Variants in CRY1 observed in about 807,000 individuals in gnomAD.
CRY1 encodes cryptochrome circadian regulator 1.
CRY1 carries 45 observed loss-of-function variants against 76.0 expected under a neutral mutation model. That is an observed-to-expected ratio of 0.59 (90% CI 0.47 to 0.76). CRY1 has a LOEUF of 0.76. Among genes scored for constraint, CRY1 ranks in the 30% least tolerant of loss-of-function variants. CRY1 has a pLI of 0.00. For missense variants in CRY1, 587 were observed against 716.4 expected, an observed-to-expected ratio of 0.82 and a Z score of 2.06; for synonymous variants, 248 against 244.0, an observed-to-expected ratio of 1.02 and a Z score of -0.15.
At chr12:107,016,412 A>G (rs1468480227) in intron 2 of CRY1, among the ~76,000 whole-genome samples, 1 of 152,264 alleles carries the variant, frequency 6.6e-6, no homozygotes, top group African/African-American at 2.4e-5. Flanking sequence ...TGTGAAAATA[A>G]GCAATGTAAA....
chr12:107,085,357 G>A (rs1953385017), intron 1 of CRY1, among the ~76,000 whole-genome samples: 1 of 152,110 alleles, frequency 6.6e-6, no homozygotes, highest in South Asian at 2.1e-4. Context: ...TAATGACACA[G>A]GCACATGTAT....
chr12:107,024,213 A>C (rs1292072161), intron 1 of CRY1, among the ~76,000 whole-genome samples: 2 of 152,236 alleles, frequency 1.3e-5, no homozygotes, highest in Non-Finnish European at 2.9e-5. Context: ...TGAGAACAGC[A>C]AGAGTTCTCC....
At chr12:107,090,285 G>T (rs550898571) in intron 1 of CRY1, among the ~76,000 whole-genome samples, 1 of 152,052 alleles carries the variant, frequency 6.6e-6, no homozygotes, top group East Asian at 1.9e-4. Flanking sequence ...TAGAGACGGG[G>T]TTTTGCCATA....
intron 1 of CRY1, among the ~76,000 whole-genome samples, chr12:107,041,009 C>A (rs1170995489): frequency 6.6e-6 from 1 of 152,110 alleles, no homozygotes; most frequent in African/African-American, 2.4e-5. Flanking sequence ...CTCAACCTCC[C>A]AAGTGCTGTG....
chr12:107,000,177 T>A (rs978829532), intron 5 of CRY1, 95 bp from the exon 6 acceptor site: 44 of 1,245,266 alleles, frequency 3.5e-5, no homozygotes, highest in Non-Finnish European at 4.6e-5. Flanking sequence ...AGTTACATAG[T>A]TCTTGGGGAA....
At chr12:107,020,496 C>T (rs936166372) in intron 2 of CRY1, among the ~76,000 whole-genome samples, 41 of 151,170 alleles carry the variant, frequency 2.7e-4, no homozygotes, top group African/African-American at 7.5e-4. Context: ...CCTTGGTGCT[C>T]TGATAGTGAG....
At chr12:107,003,866 G>A (rs181638503) in intron 3 of CRY1, among the ~76,000 whole-genome samples, 189 of 150,038 alleles carry the variant, frequency 1.3e-3, no homozygotes, top group Middle Eastern at 6.9e-3. Context: ...GAATGCAGTG[G>A]TGCTATCTTG....
chr12:106,999,860 T>C lies in CRY1; in HGVS notation c.828A>G (p.Val276=), dbSNP rs1443765098. The C allele has an allele frequency of 2.5e-6, 4 of 1,603,194 alleles. No individual in the cohort carries two copies. The South Asian group carries it at 3.4e-5, about 14-fold the overall frequency. The change falls in exon 7 of 13, where the codon GTA becomes GTG. Residue 276 remains valine, a splice_region_variant and synonymous_variant. Transcript: ENST00000008527. ...YFKLTDLYKK[V]KKNSSPPLSL... ...AAAGGGGAGGGGAACTGTTCTTCTT[T>C]ACCTATGGTTAAAAAGCAAAGAAGT...
chr12:107,048,860 T>C (rs531462786), intron 1 of CRY1, among the ~76,000 whole-genome samples: 75 of 152,340 alleles, frequency 4.9e-4, no homozygotes, highest in African/African-American at 1.5e-3. Flanking sequence ...ATAAGTCTAA[T>C]GTGGATTTCC....
rs1363961320 is a variant in CRY1 at position 107,005,205 on chromosome 12, G to A, written c.311C>T (p.Pro104Leu). 2 of 1,613,324 alleles carry A rather than the reference G, an allele frequency of 1.2e-6. No individual in the cohort carries two copies. Among genetic ancestry groups the A allele is most frequent in the African/African-American group, 2.7e-5 (2 of 74,834 alleles). Residue 104 changes from proline (P) to leucine (L), a missense_variant, in exon 3 of 13, where the codon CCC (proline) becomes CTC (leucine). Pro to Leu is a moderately conservative substitution (Grantham distance 98). Coordinates refer to ENST00000008527, the MANE Select transcript of CRY1 (RefSeq NM_004075.5). Reference sequence around the variant, plus strand: ...AGCTGCGTCTCGTTCCTTTCCAAAGGGCTCAGAATCATACTCAATTGAAAG... The same window carrying A: ...AGCTGCGTCTCGTTCCTTTCCAAAGAGCTCAGAATCATACTCAATTGAAAG... ...TKLSIEYDSE[P>L]FGKERDAAIK... is the part of the protein sequence containing the mutation.
At chr12:107,072,544 A>G (rs959474008) in intron 1 of CRY1, among the ~76,000 whole-genome samples, 33 of 152,188 alleles carry the variant, frequency 2.2e-4, no homozygotes, top group Non-Finnish European at 5.9e-5. Flanking sequence ...GTCCTATGTT[A>G]TTTATACTGT....
At chr12:106,997,195 A>G (rs1420055620) in intron 10 of CRY1, 99 bp downstream of exon 10, 1 of 1,098,244 alleles carries the variant, frequency 9.1e-7, no homozygotes, top group Non-Finnish European at 1.4e-6. Context: ...AATTTCAAAG[A>G]CAGATTTTTA....
At chr12:107,033,345 A>G (rs1952698874) in intron 1 of CRY1, among the ~76,000 whole-genome samples, 1 of 152,198 alleles carries the variant, frequency 6.6e-6, no homozygotes, top group African/African-American at 2.4e-5. Context: ...AGATAATTCT[A>G]TTTTTACAAA....
chr12:106,999,519 A>T, intron 7 of CRY1, 32 bp downstream of exon 7: 1 of 1,541,078 alleles, frequency 6.5e-7, no homozygotes, highest in South Asian at 1.3e-5. Flanking sequence ...TTCCTTCAAA[A>T]TAAGGCATGC....
chr12:106,999,578 C>T lies in CRY1; in HGVS notation c.1110G>A (p.Leu370=). 2.5e-6 allele frequency: 4 copies of T among 1,613,578 alleles called. No individual in the cohort carries two copies. Among genetic ancestry groups the T allele is most frequent in the Non-Finnish European group, 3.4e-6 (4 of 1,179,772 alleles). Residue 370 remains leucine, a synonymous_variant, in exon 7 of 13, where the codon CTG becomes CTA. Coordinates refer to ENST00000008527, the MANE Select transcript of CRY1 (RefSeq NM_004075.5). ...AVACFLTRGD[L]WISWEEGMKV... is the part of the protein sequence containing the mutation. ...TCATTCCTTCTTCCCAACTAATCCACAGGTCCCCTCGTGTCAGGAAGCAAG... is the reference window on the plus strand; with the variant it reads ...TCATTCCTTCTTCCCAACTAATCCATAGGTCCCCTCGTGTCAGGAAGCAAG...
At chr12:107,067,188 T>C (rs1953123030) in intron 1 of CRY1, among the ~76,000 whole-genome samples, 1 of 152,190 alleles carries the variant, frequency 6.6e-6, no homozygotes, top group South Asian at 2.1e-4. Flanking sequence ...AGAAAGGCTT[T>C]TAATTTTTAA....
intron 1 of CRY1, among the ~76,000 whole-genome samples, chr12:107,044,208 T>C (rs1002133532): frequency 3.3e-5 from 5 of 152,196 alleles, no homozygotes; most frequent in African/African-American, 1.2e-4. Context: ...AACCCAGAGC[T>C]GCTGCAGCTG....
At chr12:107,011,142 C>T (rs1186318949) in intron 2 of CRY1, among the ~76,000 whole-genome samples, 1 of 152,042 alleles carries the variant, frequency 6.6e-6, no homozygotes, top group Non-Finnish European at 1.5e-5. Context: ...GTCAGGAGTT[C>T]CAGACCAGCC....
intron 2 of CRY1, among the ~76,000 whole-genome samples, chr12:107,018,859 G>C (rs77279696): frequency 1.1e-3 from 174 of 152,244 alleles, no homozygotes; most frequent in East Asian, 8.5e-3. Context: ...GTATAAAAAT[G>C]TTCTGACCCA....
Sources: gnomAD v4.1 joint callset for allele counts (sites outside exome capture counted in the v4.1 genomes callset) on GRCh38, gnomAD v4.1.1 for gene constraint, MANE v1.5 for transcripts, NCBI Gene and HGNC (gene_info 2026-07-23, HGNC 2026-07-21) for gene names.